Variants in TECRL observed in about 807,000 individuals in gnomAD.
TECRL encodes trans-2,3-enoyl-CoA reductase like, also known as trans-2,3-enoyl-CoA reductase-like.
In TECRL, 63 loss-of-function variants were observed where a neutral mutation model predicts 52.8. That is an observed-to-expected ratio of 1.19 (90% CI 0.97 to 1.47). The LOEUF is 1.47. Among genes scored for constraint, TECRL ranks in the 40% most tolerant of loss-of-function variants. The pLI is 0.00. For missense variants in TECRL, 482 were observed against 429.6 expected, an observed-to-expected ratio of 1.12 and a Z score of -1.08; for synonymous variants, 164 against 141.9, an observed-to-expected ratio of 1.16 and a Z score of -1.10.
At chr4:64,300,461 A>G (rs534254916) in intron 7 of TECRL, among the ~76,000 whole-genome samples, 1 of 150,790 alleles carries the variant, frequency 6.6e-6, no homozygotes, top group African/African-American at 2.4e-5. Flanking sequence ...TATTTTTATT[A>G]TAACAAATAT....
intron 4 of TECRL, among the ~76,000 whole-genome samples, chr4:64,317,336 T>C (rs973844052): frequency 2.0e-4 from 31 of 152,024 alleles, no homozygotes; most frequent in African/African-American, 7.0e-4. Context: ...CATTGAAACA[T>C]GGCTGCAACT....
At chr4:64,343,919 A>C (rs1159781659) in intron 2 of TECRL, among the ~76,000 whole-genome samples, 2 of 152,072 alleles carry the variant, frequency 1.3e-5, no homozygotes, top group Non-Finnish European at 2.9e-5. Flanking sequence ...TTTGTAATCT[A>C]TAGAAAGCTT....
At chr4:64,385,675 T>A (rs1723128078) in intron 1 of TECRL, among the ~76,000 whole-genome samples, 1 of 152,140 alleles carries the variant, frequency 6.6e-6, no homozygotes, top group Admixed American at 6.6e-5. Flanking sequence ...TACTGGGGAC[T>A]GAGCTCTCAA....
downstream of TECRL, chr4:64,277,014 C>G: frequency 1.3e-6 from 2 of 1,495,996 alleles, no homozygotes; most frequent in Non-Finnish European, 1.8e-6. Flanking sequence ...GTAAATTTGT[C>G]AGGCTTTTTC....
intron 2 of TECRL, among the ~76,000 whole-genome samples, chr4:64,364,169 A>G (rs1721422810): frequency 6.6e-6 from 1 of 152,074 alleles, no homozygotes; most frequent in African/African-American, 2.4e-5. Flanking sequence ...TTTTGGGTAA[A>G]TAATAAAATT....
intron 8 of TECRL, among the ~76,000 whole-genome samples, chr4:64,291,719 A>T (rs1723400920): frequency 6.6e-6 from 1 of 151,980 alleles, no homozygotes; most frequent in Non-Finnish European, 1.5e-5. Flanking sequence ...ATATAGGTTT[A>T]GTTAGAGCCT....
chr4:64,385,336 C>G (rs559465729), intron 1 of TECRL, among the ~76,000 whole-genome samples: 12 of 152,300 alleles, frequency 7.9e-5, no homozygotes, highest in African/African-American at 2.9e-4. Flanking sequence ...CCCAGACACC[C>G]TGGAGCATGC....
At chr4:64,288,262 G>T (rs541377558) in intron 9 of TECRL, among the ~76,000 whole-genome samples, 1 of 152,262 alleles carries the variant, frequency 6.6e-6, no homozygotes, top group East Asian at 1.9e-4. Flanking sequence ...CAATGCAGTG[G>T]TGGTTTAAGA....
intron 7 of TECRL, among the ~76,000 whole-genome samples, chr4:64,304,670 A>G (rs567906906): frequency 2.4e-4 from 36 of 152,206 alleles, no homozygotes; most frequent in African/African-American, 8.4e-4. Context: ...GAACCAAGGA[A>G]TTAGGTTTCA....
chr4:64,363,714 A>C (rs918007172), intron 2 of TECRL, among the ~76,000 whole-genome samples: 1 of 152,308 alleles, frequency 6.6e-6, no homozygotes, highest in Non-Finnish European at 1.5e-5. Context: ...CAGTATAAGC[A>C]TGTCAGGGCA....
chr4:64,398,942 A>C (rs1051737628), intron 1 of TECRL, among the ~76,000 whole-genome samples: 2 of 152,192 alleles, frequency 1.3e-5, no homozygotes, highest in Non-Finnish European at 2.9e-5. Context: ...GCTATACCAC[A>C]GCAGAGAGCA....
intron 2 of TECRL, among the ~76,000 whole-genome samples, chr4:64,359,292 T>C (rs1219197708): frequency 3.9e-5 from 6 of 151,962 alleles, no homozygotes; most frequent in Non-Finnish European, 8.8e-5. Flanking sequence ...TTTTTAAAAT[T>C]CTTATTATTG....
At chr4:64,364,505 A>G (rs1488195504) in intron 2 of TECRL, among the ~76,000 whole-genome samples, 1 of 152,062 alleles carries the variant, frequency 6.6e-6, no homozygotes, top group Admixed American at 6.6e-5. Context: ...AGATTGATAG[A>G]TGGCTAGCTA....
chr4:64,307,278 G>A (rs1188837536), intron 6 of TECRL, among the ~76,000 whole-genome samples: 2 of 152,058 alleles, frequency 1.3e-5, no homozygotes, highest in Admixed American at 6.6e-5. Context: ...GTTTCAAGTG[G>A]GAAGCTTTGG....
chr4:64,304,007 A>C (rs1724176984), intron 7 of TECRL, among the ~76,000 whole-genome samples: 1 of 151,860 alleles, frequency 6.6e-6, no homozygotes, highest in Non-Finnish European at 1.5e-5. Flanking sequence ...TTAAAGCCAC[A>C]AAATAATGTT....
chr4:64,314,187 A>G (rs1717302144), intron 5 of TECRL, among the ~76,000 whole-genome samples: 1 of 151,676 alleles, frequency 6.6e-6, no homozygotes, highest in Admixed American at 6.6e-5. Flanking sequence ...ATAAAAATAA[A>G]AATAAATAAA....
chr4:64,300,823 T>G (rs1723976468), intron 7 of TECRL, among the ~76,000 whole-genome samples: 1 of 151,010 alleles, frequency 6.6e-6, no homozygotes, highest in South Asian at 2.1e-4. Flanking sequence ...TATTAAACAC[T>G]CATTGTCATA....
chr4:64,315,412 A>G (rs1037417420), intron 4 of TECRL, among the ~76,000 whole-genome samples: 4 of 152,162 alleles, frequency 2.6e-5, no homozygotes, highest in Non-Finnish European at 5.9e-5. Flanking sequence ...AAGTGATTGC[A>G]AAAGATTAAT....
chr4:64,332,007 T>C (rs1718674071), intron 2 of TECRL, among the ~76,000 whole-genome samples: 1 of 152,048 alleles, frequency 6.6e-6, no homozygotes, highest in South Asian at 2.1e-4. Context: ...TATGAGAAAA[T>C]ATTTTATCAA....
Sources: gnomAD v4.1 joint callset for allele counts (sites outside exome capture counted in the v4.1 genomes callset) on GRCh38, gnomAD v4.1.1 for gene constraint, MANE v1.5 for transcripts, NCBI Gene and HGNC (gene_info 2026-07-23, HGNC 2026-07-21) for gene names.